Variants in BICDL1 observed in about 807,000 individuals in gnomAD.
The protein encoded by BICDL1 is BICD family like cargo adaptor 1, also known as BICD family-like cargo adapter 1.
BICDL1 carries 20 observed loss-of-function variants against 76.8 expected under a neutral mutation model. The observed-to-expected ratio is 0.26, with a 90% confidence interval of 0.18 to 0.38. BICDL1 has a LOEUF of 0.38. Ranked by LOEUF, BICDL1 falls within the 10% of genes least tolerant of loss-of-function variation. The probability of loss-of-function intolerance (pLI) is 1.00; values close to 1 mark genes in which losing one functional copy is unlikely to be tolerated. For synonymous variants in BICDL1, 383 were observed against 337.1 expected (o/e 1.14, Z -1.49); for missense variants, 700 against 798.6 (o/e 0.88, Z 1.49).
chr12:120,072,803 G>A (rs1873209687), intron 6 of BICDL1, 74 bp downstream of exon 6: 9 of 1,267,508 alleles, frequency 7.1e-6, no homozygotes, highest in African/African-American at 1.5e-5. Context: ...AGTGCATAGG[G>A]TGAGGTCAGC....
chr12:119,998,862 C>T (rs1444746643), intron 2 of BICDL1, 126 bp downstream of exon 2: 2 of 824,668 alleles, frequency 2.4e-6, no homozygotes, highest in Non-Finnish European at 1.9e-6. Flanking sequence ...TCAGACCAAT[C>T]TGGGCAACAC....
chr12:120,025,339 C>T (rs558794838), intron 2 of BICDL1, among the ~76,000 whole-genome samples: 8 of 152,192 alleles, frequency 5.3e-5, no homozygotes, highest in East Asian at 1.9e-4. Context: ...CGTGAACCAC[C>T]GCGCCCGGCC....
At chr12:120,022,922 C>T (rs1169027720) in intron 2 of BICDL1, among the ~76,000 whole-genome samples, 2 of 152,122 alleles carry the variant, frequency 1.3e-5, no homozygotes, top group African/African-American at 4.8e-5. Flanking sequence ...ACAGAGAGAA[C>T]CCCAGAGGTC....
rs555811021 is a variant in BICDL1, at chr12:119,989,916, C to G, written c.48C>G (p.Ala16=). The change falls in exon 1 of 10, where the codon GCC becomes GCG. Residue 16 remains alanine, a synonymous_variant. Coordinates refer to ENST00000548673, the MANE Select transcript of BICDL1 (RefSeq NM_001367886.1). ...LGLVGRASAP[A]EPDSACCMEL... ...TGGTCGGCCGCGCTTCAGCACCCGC[C>G]GAGCCGGACAGCGCCTGCTGCATGG... 3 of 1,460,210 alleles carry G rather than the reference C, an allele frequency of 2.1e-6. No homozygotes were observed. The highest frequency in any genetic ancestry group is 1.5e-5 in the African/African-American group (1 of 67,050). The allele number at this position is 1,460,210 out of a possible 1,614,324, so 90.5% of individuals were successfully genotyped here. A position where few individuals can be genotyped will look rare whatever the true frequency, so the allele number is the denominator to read the frequency against.
At chr12:120,009,048 C>T (rs139307332) in intron 2 of BICDL1, among the ~76,000 whole-genome samples, 7 of 150,546 alleles carry the variant, frequency 4.6e-5, no homozygotes, top group Non-Finnish European at 1.0e-4. Context: ...AGTGCAGTGG[C>T]GCAATCTCGG....
At chr12:120,038,486 A>T (rs1034075375) in intron 2 of BICDL1, among the ~76,000 whole-genome samples, 7 of 152,118 alleles carry the variant, frequency 4.6e-5, no homozygotes, top group African/African-American at 1.7e-4. Flanking sequence ...CATTGTTAGA[A>T]GTCTCTTAAT....
In BICDL1 at chr12:120,072,702, G is replaced by A. The variant is rs1375812571; in HGVS notation, c.1281G>A (p.Gln427=). The change falls in exon 6 of 10, where the codon CAG becomes CAA. Residue 427 remains glutamine, a synonymous_variant. Transcript: ENST00000548673. The part of the protein sequence containing the change: ...TALNELKRLI[Q]SIVDGMEPTG... ...TCAATGAGCTCAAGAGACTGATACA[G>A]AGCATTGTGGATGGCATGGAGCCCA... The A allele has an allele frequency of 2.1e-5, 34 of 1,613,394 alleles. No individual in the cohort carries two copies. Among genetic ancestry groups the A allele is most frequent in the Non-Finnish European group, 2.3e-5 (27 of 1,180,016 alleles).
At position 120,094,405 on chromosome 12, in the gene BICDL1, A is replaced by C. The variant is rs1875246959; in HGVS notation, c.*1244A>C. ...ATGGATTTTATAATATACATATATAAAAATCTATAAAGGCATATTTTTAGA... is the reference window on the plus strand; with the variant it reads ...ATGGATTTTATAATATACATATATACAAATCTATAAAGGCATATTTTTAGA... On this transcript the variant is annotated 3_prime_UTR_variant, in exon 10 of 10. Transcript: ENST00000548673. 1 of 369,336 alleles carries C rather than the reference A, an allele frequency of 2.7e-6. No homozygotes were observed. Among genetic ancestry groups the C allele is most frequent in the African/African-American group, 2.1e-5 (1 of 47,334 alleles). 22.9% of individuals were successfully genotyped at this position (369,336 alleles called of 1,614,324 possible). A position where few individuals can be genotyped will look rare whatever the true frequency, so the allele number is the denominator to read the frequency against.
intron 4 of BICDL1, among the ~76,000 whole-genome samples, chr12:120,065,629 G>A (rs1026895130): frequency 1.3e-5 from 2 of 152,224 alleles, no homozygotes; most frequent in Non-Finnish European, 2.9e-5. Flanking sequence ...GAAACTAGGA[G>A]TGCATTGCTT....
Position 119,989,477 on chromosome 12 carries a change from A to AGCAGCAGCAGCAGCG in BICDL1, c.-390_-389insAGCAGCAGCAGCGGC, listed in dbSNP as rs993119333. Among the ~76,000 whole-genome samples the AGCAGCAGCAGCAGCG allele has an allele frequency of 2.0e-5, 3 of 149,704 alleles. No homozygotes were observed. The highest frequency in any genetic ancestry group is 4.5e-5 in the Non-Finnish European group (3 of 67,102). On this transcript the variant is annotated 5_prime_UTR_variant, in exon 1 of 10. Transcript: ENST00000548673. ...GGCCGGCGGCGGCAGCAGCAGCAGC[A>AGCAGCAGCAGCAGCG]GCGGCAGCGGCAACAGGGCGGCTGA...
rs1290072029 is a variant in BICDL1, at chr12:120,093,104, G to C, written c.1809G>C (p.Gly603=). ...GCAGGGGCCACAGCGCTGGGCGGGG[G>C]GATGAGCCCAGCATCGCTGAAGGCA... ...ALCRGHSAGR[G]DEPSIAEGKR... is the part of the protein sequence containing the mutation. The change falls in exon 10 of 10, where the codon GGG becomes GGC. Residue 603 remains glycine (G), a synonymous_variant. Transcript: ENST00000548673. 32 of 1,613,432 alleles carry C rather than the reference G, an allele frequency of 2.0e-5. No individual in the cohort carries two copies. Among genetic ancestry groups the C allele is most frequent in the Non-Finnish European group, 2.7e-5 (32 of 1,179,676 alleles).
At chr12:120,072,071 C>T (rs1873151352) in intron 5 of BICDL1, among the ~76,000 whole-genome samples, 1 of 152,218 alleles carries the variant, frequency 6.6e-6, no homozygotes, top group South Asian at 2.1e-4. Flanking sequence ...CTCATTGTCA[C>T]CCCAGTTCCT....
chr12:120,013,422 A>T (rs902922226), intron 2 of BICDL1, among the ~76,000 whole-genome samples: 1 of 147,100 alleles, frequency 6.8e-6, no homozygotes, highest in African/African-American at 2.5e-5. Flanking sequence ...AATTGCAGGG[A>T]CTATGTCTTT....
At position 120,054,074 on chromosome 12, in the gene BICDL1, CTT is replaced by C. The variant is rs35079479; in HGVS notation, c.646-7621_646-7620del. Among the ~76,000 whole-genome samples, 570 of 140,420 alleles carry C rather than the reference CTT, an allele frequency of 4.1e-3. 3 individuals carry two copies. The highest frequency in any genetic ancestry group is 0.014 in the African/African-American group (528 of 37,804). 92.1% of individuals were successfully genotyped at this position (140,420 alleles called of 152,430 possible). A position where few individuals can be genotyped will look rare whatever the true frequency, so the allele number is the denominator to read the frequency against. ...ACCTATAATCCCAAAAAAATTGTAA[CTT>C]TTTTTTTTTTTTTTGAGACAGAGTC... On this transcript the variant is annotated intron_variant, in intron 2 of 9. Transcript: ENST00000548673.
At chr12:120,030,899 T>G (rs1368784191) in intron 2 of BICDL1, among the ~76,000 whole-genome samples, 1 of 152,172 alleles carries the variant, frequency 6.6e-6, no homozygotes, top group Non-Finnish European at 1.5e-5. Context: ...AGGCATGGGT[T>G]TTGGCCTCAG....
At chr12:120,001,091 T>A (rs1304106263) in intron 2 of BICDL1, among the ~76,000 whole-genome samples, 1 of 152,142 alleles carries the variant, frequency 6.6e-6, no homozygotes, top group Non-Finnish European at 1.5e-5. Flanking sequence ...GCTTTTTCCC[T>A]TTTTTCAAGC....
intron 2 of BICDL1, among the ~76,000 whole-genome samples, chr12:120,020,479 T>C (rs1007096778): frequency 6.6e-6 from 1 of 152,156 alleles, no homozygotes; most frequent in Non-Finnish European, 1.5e-5. Context: ...CTCCTTACTC[T>C]AAATATTGAT....
At chr12:119,992,284 GT>G (rs1198977258) in intron 1 of BICDL1, 2 of 152,196 alleles carry the variant, frequency 1.3e-5, no homozygotes, top group Non-Finnish European at 1.5e-5. Flanking sequence ...ACAGAGTACT[GT>G]TTTATTTGAC....
At chr12:120,030,456 G>C (rs142360575) in intron 2 of BICDL1, among the ~76,000 whole-genome samples, 2 of 152,268 alleles carry the variant, frequency 1.3e-5, no homozygotes, top group African/African-American at 2.4e-5. Context: ...GGAGCTAGTA[G>C]GTTGATGAAG....
Sources: allele counts gnomAD v4.1 joint callset (sites outside exome capture counted in the v4.1 genomes callset), GRCh38; gene constraint gnomAD v4.1.1; transcripts MANE v1.5; gene names NCBI Gene and HGNC (gene_info 2026-07-23, HGNC 2026-07-21).